LSAMP: variants seen among roughly 807,000 people sequenced by gnomAD.
LSAMP encodes limbic system associated membrane protein.
In LSAMP, 7 loss-of-function variants were observed where a neutral mutation model predicts 38.6. The ratio of observed to expected loss-of-function variants is 0.18; its 90% CI spans 0.10 to 0.34. The LOEUF (loss-of-function observed/expected upper bound fraction) is 0.34. Ranked by LOEUF, LSAMP falls within the 10% of genes least tolerant of loss-of-function variation. The probability of loss-of-function intolerance (pLI) is 1.00; values close to 1 mark genes in which losing one functional copy is unlikely to be tolerated. For missense variants in LSAMP, 313 were observed against 420.0 expected (o/e 0.75, Z 2.23); for synonymous variants, 154 against 166.8 (o/e 0.92, Z 0.59).
intron 1 of LSAMP, among the ~76,000 whole-genome samples, chr3:116,353,582 G>A (rs528409268): frequency 3.3e-5 from 5 of 152,022 alleles, no homozygotes; most frequent in Admixed American, 2.0e-4. Flanking sequence ...ATTCTGTACC[G>A]AATTGAAATG....
intron 1 of LSAMP, among the ~76,000 whole-genome samples, chr3:116,287,567 G>T (rs567625409): frequency 6.6e-6 from 1 of 152,174 alleles, no homozygotes; most frequent in South Asian, 2.1e-4. Flanking sequence ...AGACAAAAAG[G>T]TAAAGAGTAA....
At chr3:116,042,238 A>G (rs1668026657) in intron 2 of LSAMP, among the ~76,000 whole-genome samples, 1 of 152,160 alleles carries the variant, frequency 6.6e-6, no homozygotes, top group South Asian at 2.1e-4. Context: ...GCACTTACTA[A>G]GTGTTTTGCA....
intron 1 of LSAMP, among the ~76,000 whole-genome samples, chr3:116,144,351 T>G (rs1208595536): frequency 6.6e-6 from 1 of 151,810 alleles, no homozygotes; most frequent in African/African-American, 2.4e-5. Context: ...AGTGAGACCT[T>G]GTCACTACAA....
At chr3:115,984,160 TAGGA>T (rs1472744258) in intron 3 of LSAMP, among the ~76,000 whole-genome samples, 4 of 151,786 alleles carry the variant, frequency 2.6e-5, no homozygotes, top group Non-Finnish European at 5.9e-5. Context: ...AGCAAATAAA[TAGGA>T]AGAGTCTGGG....
chr3:115,974,454 A>G (rs1030881413), intron 3 of LSAMP, among the ~76,000 whole-genome samples: 4 of 152,178 alleles, frequency 2.6e-5, no homozygotes, highest in Non-Finnish European at 4.4e-5. Flanking sequence ...ATCGAGCTGT[A>G]TTGAGCCAGC....
chr3:116,038,347 C>T (rs1941094551), intron 2 of LSAMP, among the ~76,000 whole-genome samples: 1 of 152,058 alleles, frequency 6.6e-6, no homozygotes, highest in African/African-American at 2.4e-5. Flanking sequence ...ATTGGAACAT[C>T]AGAAATAGTG....
At chr3:116,025,543 T>C (rs1260395375) in intron 2 of LSAMP, among the ~76,000 whole-genome samples, 2 of 152,160 alleles carry the variant, frequency 1.3e-5, no homozygotes, top group Non-Finnish European at 2.9e-5. Flanking sequence ...TAAATACTTA[T>C]CTCAATTTCT....
chr3:116,043,156 A>C (rs1941212303), intron 2 of LSAMP, among the ~76,000 whole-genome samples: 1 of 152,164 alleles, frequency 6.6e-6, no homozygotes, highest in East Asian at 1.9e-4. Context: ...CACTTAATTA[A>C]AAATTGATGG....
At chr3:116,398,745 AT>A (rs1559854284) in intron 1 of LSAMP, among the ~76,000 whole-genome samples, 1 of 152,212 alleles carries the variant, frequency 6.6e-6, no homozygotes, top group African/African-American at 2.4e-5. Context: ...CCATTCATGT[AT>A]TAAGAATCTA....
At chr3:116,375,052 G>T (rs1253528958) in intron 1 of LSAMP, among the ~76,000 whole-genome samples, 5 of 151,930 alleles carry the variant, frequency 3.3e-5, no homozygotes, top group Non-Finnish European at 7.4e-5. Context: ...CTACTTCACA[G>T]AGTTCATATC....
At chr3:116,018,701 A>G (rs937826373) in intron 3 of LSAMP, among the ~76,000 whole-genome samples, 1 of 152,188 alleles carries the variant, frequency 6.6e-6, no homozygotes, top group Non-Finnish European at 1.5e-5. Flanking sequence ...AGGAGTATGT[A>G]TGTACCTAAT....
intron 1 of LSAMP, among the ~76,000 whole-genome samples, chr3:116,304,080 A>C (rs997808533): frequency 1.3e-5 from 2 of 152,128 alleles, no homozygotes; most frequent in African/African-American, 4.8e-5. Flanking sequence ...GTGCTAACTC[A>C]ACTTGGTCTG....
chr3:116,423,246 AAATGGTATTTCCTC>A (rs1000883610), intron 1 of LSAMP, among the ~76,000 whole-genome samples: 1 of 152,194 alleles, frequency 6.6e-6, no homozygotes, highest in Non-Finnish European at 1.5e-5. Flanking sequence ...AACAGAAGGA[AAATGGTATTTCCTC>A]ATGATCAAGA....
intron 1 of LSAMP, among the ~76,000 whole-genome samples, chr3:116,397,221 T>A (rs2048780368): frequency 6.6e-6 from 1 of 152,154 alleles, no homozygotes. Context: ...CTCTTTGATT[T>A]CATGTATTTT....
chr3:116,200,187 C>T (rs2045970580), intron 1 of LSAMP, among the ~76,000 whole-genome samples: 1 of 151,802 alleles, frequency 6.6e-6, no homozygotes, highest in Admixed American at 6.6e-5. Flanking sequence ...AGAGGTTGAA[C>T]AGTTCATACG....
intron 1 of LSAMP, among the ~76,000 whole-genome samples, chr3:116,199,030 G>A (rs796931820): frequency 1.4e-4 from 22 of 152,200 alleles, no homozygotes; most frequent in African/African-American, 5.1e-4. Flanking sequence ...GCTGCAGTGA[G>A]CCATGATTGT....
intron 1 of LSAMP, among the ~76,000 whole-genome samples, chr3:116,310,955 G>A (rs1450929950): frequency 2.7e-5 from 4 of 149,734 alleles, no homozygotes; most frequent in Non-Finnish European, 4.4e-5. Flanking sequence ...AATAGTTCAC[G>A]GATAACTAGA....
At position 116,417,568 on chromosome 3, in the gene LSAMP, A is replaced by G. The variant is rs144842804; in HGVS notation, c.155+27309T>C. ...CCTTTGCTTAAAAATCACTGGTACT[A>G]GCTGAAGAGGAATCGACCTGCTGGA... On this transcript the variant is annotated intron_variant, in intron 1 of 6. Coordinates refer to ENST00000490035, the MANE Select transcript of LSAMP (RefSeq NM_002338.5). Among the ~76,000 whole-genome samples the G allele has an allele frequency of 5.9e-5, 9 of 152,326 alleles. No individual in the cohort carries two copies. In the East Asian group the frequency reaches 1.7e-3, roughly 29 times the overall value.
intron 2 of LSAMP, among the ~76,000 whole-genome samples, chr3:116,072,513 C>T (rs2107384828): frequency 6.6e-6 from 1 of 152,284 alleles, no homozygotes; most frequent in Non-Finnish European, 1.5e-5. Flanking sequence ...ATACTCACCC[C>T]AACAGTGTAA....
Sources: allele counts gnomAD v4.1 joint callset (sites outside exome capture counted in the v4.1 genomes callset), GRCh38; gene constraint gnomAD v4.1.1; transcripts MANE v1.5; gene names NCBI Gene and HGNC (gene_info 2026-07-23, HGNC 2026-07-21).